Variants in KRABD3 observed in about 807,000 individuals in gnomAD.
KRABD3 encodes KRAB domain-containing protein 3.
At chr7:149,724,076 C>T in the KRABD3 span, among the ~76,000 whole-genome samples, 4 of 152,258 alleles carry the variant, frequency 2.6e-5, no homozygotes, top group South Asian at 6.2e-4. Context: ...GCTCGGTCAG[C>T]GCTTGATAAT....
the KRABD3 span, chr7:149,730,727 G>C: frequency 6.2e-6 from 6 of 964,378 alleles, no homozygotes; most frequent in Admixed American, 5.6e-5. Context: ...AGCTGTGTCC[G>C]AGAAGGAGGG....
the KRABD3 span, chr7:149,721,436 G>A: frequency 2.5e-6 from 4 of 1,612,222 alleles, no homozygotes; most frequent in African/African-American, 1.3e-5. Context: ...CCTTCCAGAC[G>A]GCCCTACCAG....
chr7:149,720,886 A>G, the KRABD3 span: 1 of 1,609,542 alleles, frequency 6.2e-7, no homozygotes, highest in Non-Finnish European at 8.5e-7. Flanking sequence ...CAGCTGGTGA[A>G]GGAGATCCCA....
the KRABD3 span, among the ~76,000 whole-genome samples, chr7:149,718,557 T>C: frequency 4.8e-5 from 7 of 144,866 alleles, no homozygotes; most frequent in Non-Finnish European, 7.6e-5. Flanking sequence ...CTCGCCATAT[T>C]GCCCAGACTG....
the KRABD3 span, chr7:149,726,030 G>C: frequency 6.2e-7 from 1 of 1,612,900 alleles, no homozygotes; most frequent in Non-Finnish European, 8.5e-7. Flanking sequence ...TGGGAGTCCT[G>C]TGGGGAACCA....
the KRABD3 span, chr7:149,725,385 G>A: frequency 6.0e-5 from 97 of 1,609,160 alleles, no homozygotes; most frequent in South Asian, 6.7e-5. Flanking sequence ...CAAATGGGTC[G>A]TCACCTTCCC....
chr7:149,733,666 C>A, the KRABD3 span: 2 of 1,587,632 alleles, frequency 1.3e-6, no homozygotes, highest in Admixed American at 1.8e-5. Flanking sequence ...AAGGACTCTC[C>A]AGAGGGACCG....
At chr7:149,734,120 AC>A in the KRABD3 span, 3 of 1,490,114 alleles carry the variant, frequency 2.0e-6, no homozygotes, top group South Asian at 1.4e-5. Context: ...CTGTCACCCC[AC>A]CCCAGGCCAC....
At chr7:149,730,258 G>T in the KRABD3 span, 29 of 1,556,616 alleles carry the variant, frequency 1.9e-5, no homozygotes, top group African/African-American at 2.7e-5. Flanking sequence ...CCCAGCCCCA[G>T]CCCCGGCTCC....
At chr7:149,729,746 C>A in the KRABD3 span, 1 of 985,388 alleles carries the variant, frequency 1.0e-6, no homozygotes, top group Non-Finnish European at 1.2e-6. Context: ...TTTGCTGACC[C>A]TCCCATCAGA....
the KRABD3 span, among the ~76,000 whole-genome samples, chr7:149,717,386 T>C: frequency 1.3e-5 from 2 of 152,358 alleles, no homozygotes; most frequent in African/African-American, 4.8e-5. Context: ...AAGCAGGCCT[T>C]CCTAAGGACA....
chr7:149,728,133 G>A, the KRABD3 span, among the ~76,000 whole-genome samples: 1 of 152,378 alleles, frequency 6.6e-6, no homozygotes, highest in Admixed American at 6.5e-5. Context: ...GAGGCCAGGG[G>A]GCCTGTGTTG....
the KRABD3 span, chr7:149,721,667 T>G: frequency 3.0e-5 from 31 of 1,041,126 alleles, no homozygotes; most frequent in East Asian, 7.8e-4. Flanking sequence ...TGTTCTTTTG[T>G]TAACAAAGTA....
At chr7:149,722,954 C>T in the KRABD3 span, 2 of 1,584,764 alleles carry the variant, frequency 1.3e-6, no homozygotes, top group Non-Finnish European at 1.7e-6. Flanking sequence ...CCGCCCTGGG[C>T]AGGTGAGTTC....
chr7:149,730,125 C>T, the KRABD3 span: 1 of 1,473,396 alleles, frequency 6.8e-7, no homozygotes, highest in South Asian at 1.4e-5. Context: ...GATGACAGAG[C>T]ACTCTCTGGT....
chr7:149,721,386 C>T, the KRABD3 span: 29 of 1,587,598 alleles, frequency 1.8e-5, no homozygotes, highest in South Asian at 3.4e-5. Context: ...ACAGCAGCTG[C>T]GGCAAGAGAG....
At chr7:149,729,948 TGCTGGGGTCCTGGCCAGGCTCTG>T in the KRABD3 span, 1 of 1,282,880 alleles carries the variant, frequency 7.8e-7, no homozygotes, top group Non-Finnish European at 9.8e-7. Context: ...TTTCCAAAGC[TGCTGGGGTCCTGGCCAGGCTCTG>T]GCTTCACTTT....
chr7:149,733,877 TCTC>T, the KRABD3 span: 4 of 1,591,558 alleles, frequency 2.5e-6, no homozygotes, highest in Admixed American at 7.1e-5. Flanking sequence ...GCAGGGAGCC[TCTC>T]CTCCTGCAGC....
At chr7:149,729,645 C>G in the KRABD3 span, 1 of 985,468 alleles carries the variant, frequency 1.0e-6, no homozygotes, top group Non-Finnish European at 1.2e-6. Context: ...CTCCCGCCGT[C>G]CACTGCTGCT....
Sources: allele counts gnomAD v4.1 joint callset (sites outside exome capture counted in the v4.1 genomes callset), GRCh38; gene constraint gnomAD v4.1.1; transcripts MANE v1.5; gene names NCBI Gene and HGNC (gene_info 2026-07-23, HGNC 2026-07-21).